ADD1: variants seen among roughly 807,000 people sequenced by gnomAD.
ADD1 encodes adducin 1.
In ADD1, 24 loss-of-function variants were observed where a neutral mutation model predicts 80.5. That is an observed-to-expected ratio of 0.30 (90% CI 0.22 to 0.42). The LOEUF is 0.42. ADD1 is among the 10% of genes least tolerant of loss of function. ADD1 has a pLI of 1.00. For synonymous variants in ADD1, 373 were observed against 393.8 expected, an observed-to-expected ratio of 0.95 and a Z score of 0.63; for missense variants, 948 against 1,019.0, an observed-to-expected ratio of 0.93 and a Z score of 0.95.
chr4:2,874,604 CAA>C (rs576430508), intron 1 of ADD1, among the ~76,000 whole-genome samples: 58 of 97,942 alleles, frequency 5.9e-4, no homozygotes, highest in South Asian at 7.0e-4. Context: ...GAGACTGTCT[CAA>C]AAAAAAAAAA....
rs769767346 is a variant in ADD1 at position 2,928,556 on chromosome 4, G to A, written c.*33G>A. The A allele has an allele frequency of 1.6e-4, 249 of 1,586,230 alleles. 1 individual carries two copies. The highest frequency in any genetic ancestry group is 1.3e-3 in the South Asian group (111 of 87,070). ...GCGCTAACACTGTCCTGTCCGGAGCGACCCTGGCTCTGCCAGCGTCCCCGG... is the reference window on the plus strand; with the variant it reads ...GCGCTAACACTGTCCTGTCCGGAGCAACCCTGGCTCTGCCAGCGTCCCCGG... On this transcript the variant is annotated 3_prime_UTR_variant, in exon 16 of 16. Coordinates refer to ENST00000683351, the MANE Select transcript of ADD1 (RefSeq NM_001354761.2).
rs146254572 is a variant in ADD1 at position 2,914,176 on chromosome 4, C to T, written c.1792-708C>T. Among the ~76,000 whole-genome samples, 171 of 152,310 alleles carry T rather than the reference C, an allele frequency of 1.1e-3. 1 individual carries two copies. The highest frequency in any genetic ancestry group is 3.5e-3 in the Admixed American group (54 of 15,300). On this transcript the variant is annotated intron_variant, in intron 13 of 15. Transcript: ENST00000683351. ...CTGGGGCAGGTGGCTGTGAGTGGAC[C>T]GCACCCCCTGATGCCCACCCAGCCC...
chr4:2,884,604 G>A lies in ADD1; in HGVS notation c.448G>A (p.Ala150Thr), dbSNP rs1397207265. 10 of 1,613,282 alleles carry A rather than the reference G, an allele frequency of 6.2e-6. No homozygotes were observed. Among genetic ancestry groups the A allele is most frequent in the Non-Finnish European group, 8.5e-6 (10 of 1,179,594 alleles). ...AGAGAAGTTATTACGGTGTAAATTG[G>A]CAGCGTTTTATAGACTAGCAGATCT... is the stretch of plus-strand genomic sequence containing the variant. ...KGEKLLRCKL[A>T]AFYRLADLFG... The change falls in exon 4 of 16, where the codon GCA (alanine) becomes ACA (threonine). Residue 150 changes from alanine (A) to threonine (T), a missense_variant. Ala to Thr is a moderately conservative substitution (Grantham distance 58, BLOSUM62 0). Coordinates refer to ENST00000683351, the MANE Select transcript of ADD1 (RefSeq NM_001354761.2).
intron 6 of ADD1, among the ~76,000 whole-genome samples, chr4:2,897,791 G>A (rs1187019673): frequency 6.6e-6 from 1 of 152,028 alleles, no homozygotes. Flanking sequence ...TTGAGTGTTG[G>A]GATTACAGGT....
intron 14 of ADD1, among the ~76,000 whole-genome samples, chr4:2,921,121 C>A (rs1739959185): frequency 6.6e-6 from 1 of 152,022 alleles, no homozygotes. Context: ...ATATGAAATT[C>A]TGGGCTGAAA....
At chr4:2,850,294 A>G (rs566610729) in intron 1 of ADD1, among the ~76,000 whole-genome samples, 1 of 152,150 alleles carries the variant, frequency 6.6e-6, no homozygotes, top group African/African-American at 2.4e-5. Flanking sequence ...GTGAGACTGA[A>G]TCTCACTCTC....
intron 4 of ADD1, among the ~76,000 whole-genome samples, chr4:2,892,740 T>C (rs1157793254): frequency 1.3e-5 from 2 of 151,924 alleles, no homozygotes; most frequent in African/African-American, 4.8e-5. Context: ...GAGGCTGAGA[T>C]GTGTGGATCA....
At position 2,928,646 on chromosome 4, in the gene ADD1, C is replaced by T; in HGVS notation, c.*123C>T. ...AAGCCAAGCCCTCCGCCTAGAGGTCCCCTCACGTGACCAGCCCCGTGTAGC... is the reference window on the plus strand; with the variant it reads ...AAGCCAAGCCCTCCGCCTAGAGGTCTCCTCACGTGACCAGCCCCGTGTAGC... On this transcript the variant is annotated 3_prime_UTR_variant, in exon 16 of 16. Transcript: ENST00000683351. 7 of 1,085,808 alleles carry T rather than the reference C, an allele frequency of 6.4e-6. No individual in the cohort carries two copies. Among genetic ancestry groups the T allele is most frequent in the Non-Finnish European group, 9.4e-6 (7 of 747,716 alleles). The allele number at this position is 1,085,808 out of a possible 1,614,324, so 67.3% of individuals were successfully genotyped here.
At chr4:2,876,886 C>T (rs963849300) in intron 2 of ADD1, among the ~76,000 whole-genome samples, 12 of 151,958 alleles carry the variant, frequency 7.9e-5, no homozygotes, top group African/African-American at 2.9e-4. Flanking sequence ...CCTGTAATCC[C>T]AGCTACTCGG....
intron 2 of ADD1, among the ~76,000 whole-genome samples, chr4:2,878,325 C>T (rs937788650): frequency 7.3e-5 from 11 of 151,694 alleles, no homozygotes; most frequent in Non-Finnish European, 1.0e-4. Flanking sequence ...GCCAAGGTGG[C>T]GTAGTAGAGG....
At chr4:2,858,059 A>G (rs1441984054) in intron 1 of ADD1, among the ~76,000 whole-genome samples, 1 of 152,222 alleles carries the variant, frequency 6.6e-6, no homozygotes, top group Non-Finnish European at 1.5e-5. Flanking sequence ...GTAAGCTTGC[A>G]GTCTGGCAGT....
intron 14 of ADD1, among the ~76,000 whole-genome samples, chr4:2,919,070 A>C (rs1227349263): frequency 6.6e-6 from 1 of 151,924 alleles, no homozygotes; most frequent in South Asian, 2.1e-4. Flanking sequence ...CGATCTCCTG[A>C]CCTTGTGATC....
intron 4 of ADD1, among the ~76,000 whole-genome samples, chr4:2,889,630 T>A (rs1202155604): frequency 6.6e-6 from 1 of 151,980 alleles, no homozygotes; most frequent in African/African-American, 2.4e-5. Context: ...GAGACCAGCC[T>A]GACCAACATG....
chr4:2,900,157 A>T (rs886340103), intron 9 of ADD1: 1 of 154,304 alleles, frequency 6.5e-6, no homozygotes, highest in African/African-American at 2.4e-5. Flanking sequence ...GGATGACAGG[A>T]TGAAGAGGCC....
At chr4:2,863,608 C>T (rs931523701) in intron 1 of ADD1, among the ~76,000 whole-genome samples, 1 of 152,202 alleles carries the variant, frequency 6.6e-6, no homozygotes, top group East Asian at 1.9e-4. Context: ...GTCCAGTAAT[C>T]TTAGCCACCC....
At chr4:2,870,136 G>T (rs190898752) in intron 1 of ADD1, among the ~76,000 whole-genome samples, 1 of 152,302 alleles carries the variant, frequency 6.6e-6, no homozygotes, top group East Asian at 1.9e-4. Flanking sequence ...GTCTGTGCCA[G>T]AAGGGAGATG....
rs778165563 is a variant in ADD1, at chr4:2,914,963, A to G, written c.1871A>G (p.Asn624Ser). Residue 624 changes from asparagine (N) to serine (S), a missense_variant, in exon 14 of 16, where the codon AAC (asparagine) becomes AGC (serine). Asn to Ser is a conservative substitution (Grantham distance 46, BLOSUM62 1). Transcript: ENST00000683351. ...GTCATTGTGAGCACCACGGGCCCCAACCCCTTCACCACACTCACAGACCGT... is the reference window on the plus strand; with the variant it reads ...GTCATTGTGAGCACCACGGGCCCCAGCCCCTTCACCACACTCACAGACCGT... ...PHVIVSTTGP[N>S]PFTTLTDREL... The G allele has an allele frequency of 1.9e-6, 3 of 1,614,124 alleles. No homozygotes were observed. The highest frequency in any genetic ancestry group is 2.5e-6 in the Non-Finnish European group (3 of 1,179,988).
intron 2 of ADD1, among the ~76,000 whole-genome samples, chr4:2,877,714 G>T (rs1172143872): frequency 6.6e-6 from 1 of 152,158 alleles, no homozygotes; most frequent in Non-Finnish European, 1.5e-5. Flanking sequence ...GGCTGGGCAT[G>T]GTGGCCCATG....
intron 1 of ADD1, among the ~76,000 whole-genome samples, chr4:2,848,903 A>G (rs1016008309): frequency 1.3e-5 from 2 of 152,178 alleles, no homozygotes; most frequent in Non-Finnish European, 2.9e-5. Context: ...GAATAATTGC[A>G]CTTTTCATTT....
Sources: gnomAD v4.1 joint callset for allele counts (sites outside exome capture counted in the v4.1 genomes callset) on GRCh38, gnomAD v4.1.1 for gene constraint, MANE v1.5 for transcripts, NCBI Gene and HGNC (gene_info 2026-07-23, HGNC 2026-07-21) for gene names.